ST6GALNAC3: variants seen among roughly 807,000 people sequenced by gnomAD.
ST6GALNAC3 encodes the protein ST6 N-acetylgalactosaminide alpha-2,6-sialyltransferase 3.
In ST6GALNAC3, 25 loss-of-function variants were observed where a neutral mutation model predicts 32.7. That is an observed-to-expected ratio of 0.76 (90% CI 0.56 to 1.07). ST6GALNAC3 has a LOEUF of 1.07. Among genes scored for constraint, ST6GALNAC3 ranks in the 50% least tolerant of loss-of-function variants. The pLI, the probability that ST6GALNAC3 is intolerant of heterozygous loss-of-function variation, is 0.00. For missense variants in ST6GALNAC3, 355 were observed against 382.4 expected, an observed-to-expected ratio of 0.93 and a Z score of 0.60; for synonymous variants, 129 against 133.1, an observed-to-expected ratio of 0.97 and a Z score of 0.21.
At chr1:76,597,520 T>C (rs1273569658) in intron 3 of ST6GALNAC3, among the ~76,000 whole-genome samples, 1 of 152,060 alleles carries the variant, frequency 6.6e-6, no homozygotes, top group Non-Finnish European at 1.5e-5. Flanking sequence ...AATTTTGGAA[T>C]CGCCTCCCAG....
chr1:76,271,834 T>C (rs565283060), intron 1 of ST6GALNAC3, among the ~76,000 whole-genome samples: 2 of 152,196 alleles, frequency 1.3e-5, no homozygotes, highest in East Asian at 3.9e-4. Context: ...GTAGAGGTGG[T>C]GAGAAGAGGT....
intron 3 of ST6GALNAC3, among the ~76,000 whole-genome samples, chr1:76,452,068 G>A (rs1431725118): frequency 1.3e-5 from 2 of 152,008 alleles, no homozygotes; most frequent in East Asian, 3.9e-4. Context: ...CATAGATGGT[G>A]ATATGGTTTG....
chr1:76,474,178 G>A (rs905121911), intron 3 of ST6GALNAC3, among the ~76,000 whole-genome samples: 5 of 152,118 alleles, frequency 3.3e-5, no homozygotes, highest in African/African-American at 4.8e-5. Flanking sequence ...GCAGAATTGT[G>A]AGCAAAAACA....
At chr1:76,399,997 T>C (rs1266335026) in intron 2 of ST6GALNAC3, among the ~76,000 whole-genome samples, 1 of 152,196 alleles carries the variant, frequency 6.6e-6, no homozygotes, top group Non-Finnish European at 1.5e-5. Flanking sequence ...AATTATATTT[T>C]TGTTTCTTCT....
At chr1:76,595,559 G>A (rs1252545606) in intron 3 of ST6GALNAC3, among the ~76,000 whole-genome samples, 1 of 152,014 alleles carries the variant, frequency 6.6e-6, no homozygotes, top group African/African-American at 2.4e-5. Flanking sequence ...AAAACACTCA[G>A]GATAGTGGAC....
intron 3 of ST6GALNAC3, among the ~76,000 whole-genome samples, chr1:76,445,881 A>G (rs1203610249): frequency 6.6e-6 from 1 of 152,184 alleles, no homozygotes. Context: ...TTTAGCTGAT[A>G]CTATTTATGC....
chr1:76,309,089 C>T (rs547896168), intron 1 of ST6GALNAC3, among the ~76,000 whole-genome samples: 4 of 152,304 alleles, frequency 2.6e-5, no homozygotes, highest in South Asian at 2.1e-4. Flanking sequence ...ATCACCACCC[C>T]AGACAAACAT....
At chr1:76,181,480 T>C (rs2100462312) in intron 1 of ST6GALNAC3, among the ~76,000 whole-genome samples, 1 of 145,220 alleles carries the variant, frequency 6.9e-6, no homozygotes, top group Non-Finnish European at 1.5e-5. Context: ...TCATTAAAAT[T>C]AAATATAACT....
intron 1 of ST6GALNAC3, among the ~76,000 whole-genome samples, chr1:76,102,228 GGTGTGT>G (rs1354949220): frequency 8.5e-6 from 1 of 117,602 alleles, no homozygotes; most frequent in Non-Finnish European, 1.8e-5. Context: ...GTATTTGCCT[GGTGTGT>G]TTGTGTGTGT....
chr1:76,081,827 T>C (rs1209529554), intron 1 of ST6GALNAC3, among the ~76,000 whole-genome samples: 1 of 152,128 alleles, frequency 6.6e-6, no homozygotes, highest in East Asian at 1.9e-4. Flanking sequence ...TATCAAGGAA[T>C]CCCACAAATC....
chr1:76,237,291 G>A (rs531731343), intron 1 of ST6GALNAC3, among the ~76,000 whole-genome samples: 4 of 152,214 alleles, frequency 2.6e-5, no homozygotes, highest in South Asian at 4.1e-4. Flanking sequence ...CCGCCACCAC[G>A]CCGGGCTAAT....
intron 1 of ST6GALNAC3, among the ~76,000 whole-genome samples, chr1:76,261,829 A>G (rs753943841): frequency 1.2e-4 from 19 of 152,190 alleles, no homozygotes; most frequent in Non-Finnish European, 2.5e-4. Flanking sequence ...TAACCAAAAA[A>G]TGTTTGGAAA....
chr1:76,149,677 C>CTTTTT (rs1557655304), intron 1 of ST6GALNAC3, among the ~76,000 whole-genome samples: 2 of 151,988 alleles, frequency 1.3e-5, no homozygotes, highest in African/African-American at 4.8e-5. Context: ...TCCATTGTTC[C>CTTTTT]ATTGTGTATT....
At chr1:76,157,889 G>A (rs546005354) in intron 1 of ST6GALNAC3, among the ~76,000 whole-genome samples, 3 of 152,196 alleles carry the variant, frequency 2.0e-5, no homozygotes, top group South Asian at 2.1e-4. Flanking sequence ...AATAATATAG[G>A]ATATGCTATT....
At position 76,188,267 on chromosome 1, in the gene ST6GALNAC3, C is replaced by T. The variant is rs370120142; in HGVS notation, c.18+113383C>T. 5.9e-5 allele frequency among the ~76,000 whole-genome samples: 9 copies of T among 152,146 alleles called. No individual in the cohort carries two copies. In the South Asian group the frequency reaches 8.3e-4, roughly 14 times the overall value. The stretch of plus-strand genomic sequence containing the variant: ...ATCCCAGTTACTCAGGAGGTTGAGG[C>T]AGGGGAATTGCTTGAACCCGGAAGG... On this transcript the variant is annotated intron_variant, in intron 1 of 4. Transcript: ENST00000328299.
chr1:76,146,694 C>G (rs189009662), intron 1 of ST6GALNAC3, among the ~76,000 whole-genome samples: 2 of 152,302 alleles, frequency 1.3e-5, no homozygotes, highest in Admixed American at 6.5e-5. Flanking sequence ...GTTCCACCCC[C>G]CTCACCGCTA....
chr1:76,565,149 C>T (rs2100454198), intron 3 of ST6GALNAC3, among the ~76,000 whole-genome samples: 1 of 152,214 alleles, frequency 6.6e-6, no homozygotes, highest in East Asian at 1.9e-4. Context: ...TTTTGCTGGG[C>T]TCCCATTGGG....
intron 1 of ST6GALNAC3, among the ~76,000 whole-genome samples, chr1:76,174,663 C>CTTTTTTTTTTTTTTTTTTTT (rs59269306): frequency 7.1e-6 from 1 of 140,110 alleles, no homozygotes; most frequent in Non-Finnish European, 1.5e-5. Context: ...TTTTTCTTTT[C>CTTTTTTTTTTTTTTTTTTTT]TTTTTTTTTT....
intron 1 of ST6GALNAC3, among the ~76,000 whole-genome samples, chr1:76,227,877 T>A (rs1355153959): frequency 6.6e-6 from 1 of 152,200 alleles, no homozygotes; most frequent in Non-Finnish European, 1.5e-5. Context: ...TGTGACTGTA[T>A]GGAAAGCTTG....
Sources: allele counts gnomAD v4.1 joint callset (sites outside exome capture counted in the v4.1 genomes callset), GRCh38; gene constraint gnomAD v4.1.1; transcripts MANE v1.5; gene names NCBI Gene and HGNC (gene_info 2026-07-23, HGNC 2026-07-21).